The following CCDC6 variants were observed in gnomAD, a reference collection of about 807,000 sequenced individuals.
CCDC6 encodes the protein coiled-coil domain-containing protein 6.
Under a neutral mutation model 56.6 loss-of-function variants are expected in CCDC6, and 20 were observed. That is an observed-to-expected ratio of 0.35 (90% CI 0.25 to 0.51). The LOEUF is 0.51. Among genes scored for constraint, CCDC6 ranks in the 20% least tolerant of loss-of-function variants. The pLI, the probability that CCDC6 is intolerant of heterozygous loss-of-function variation, is 0.95. For missense variants in CCDC6, 367 were observed against 601.1 expected (o/e 0.61, Z 4.07); for synonymous variants, 241 against 234.4 (o/e 1.03, Z -0.26).
intron 5 of CCDC6, among the ~76,000 whole-genome samples, chr10:59,808,671 C>A (rs2070647095): frequency 6.6e-6 from 1 of 152,154 alleles, no homozygotes; most frequent in Admixed American, 6.5e-5. Context: ...TCAGTTCGGT[C>A]CAAATTTAGG....
intron 1 of CCDC6, among the ~76,000 whole-genome samples, chr10:59,877,715 T>G (rs182432381): frequency 4.6e-5 from 7 of 152,320 alleles, no homozygotes; most frequent in Admixed American, 1.3e-4. Context: ...GACCCCATTC[T>G]GTGGTAAGAG....
At chr10:59,860,275 G>A (rs1837113057) in intron 1 of CCDC6, among the ~76,000 whole-genome samples, 1 of 152,068 alleles carries the variant, frequency 6.6e-6, no homozygotes, top group African/African-American at 2.4e-5. Flanking sequence ...AGGAAAGGCT[G>A]GAAACTCTTC....
chr10:59,859,199 CGTGTGTGT>C (rs66648240), intron 1 of CCDC6, among the ~76,000 whole-genome samples: 3,066 of 137,246 alleles, frequency 0.022, 77 homozygotes, highest in African/African-American at 0.056. Context: ...CATGTGTGTG[CGTGTGTGT>C]GTGTGTGTGT....
intron 1 of CCDC6, among the ~76,000 whole-genome samples, chr10:59,868,159 C>T (rs1157858308): frequency 1.3e-5 from 2 of 152,146 alleles, no homozygotes; most frequent in East Asian, 3.9e-4. Context: ...TGATTGAGAC[C>T]TGCTTCAGAT....
chr10:59,821,270 G>A (rs756857218), intron 3 of CCDC6, among the ~76,000 whole-genome samples: 15 of 152,090 alleles, frequency 9.9e-5, no homozygotes, highest in East Asian at 1.9e-4. Flanking sequence ...AATACATCAC[G>A]TGCATCTGAC....
chr10:59,846,389 C>T (rs182995517), intron 2 of CCDC6, among the ~76,000 whole-genome samples: 1 of 152,300 alleles, frequency 6.6e-6, no homozygotes, highest in Admixed American at 6.5e-5. Flanking sequence ...AGCTATAAAT[C>T]ATTTGGCAGA....
At chr10:59,902,484 C>T (rs2071511242) in intron 1 of CCDC6, among the ~76,000 whole-genome samples, 1 of 149,716 alleles carries the variant, frequency 6.7e-6, no homozygotes, top group Non-Finnish European at 1.5e-5. Flanking sequence ...ACCTCCACCT[C>T]CTGGGTTCAC....
Position 59,814,632 on chromosome 10 carries a change from A to ACACACAC in CCDC6, c.686+19_686+20insGTGTGTG. The ACACACAC allele has an allele frequency of 6.7e-7, 1 of 1,501,486 alleles. No homozygotes were observed. The highest frequency in any genetic ancestry group is 2.3e-5 in the East Asian group (1 of 44,352). The allele number at this position is 1,501,486 out of a possible 1,614,324, so 93.0% of individuals were successfully genotyped here. A position where few individuals can be genotyped will look rare whatever the true frequency, so the allele number is the denominator to read the frequency against. On this transcript the variant is annotated intron_variant, in intron 4 of 8. Transcript: ENST00000263102. The stretch of plus-strand genomic sequence containing the variant: ...CACACACACACACACACCCATACTG[A>ACACACAC]ACAGCAAGACTAAACAAACCGCTTT...
chr10:59,819,012 C>T (rs1193294069), intron 3 of CCDC6, among the ~76,000 whole-genome samples: 1 of 152,050 alleles, frequency 6.6e-6, no homozygotes, highest in Non-Finnish European at 1.5e-5. Context: ...CACTGATTCA[C>T]TAAAAATGGG....
intron 1 of CCDC6, among the ~76,000 whole-genome samples, chr10:59,885,601 C>G (rs1367911975): frequency 6.6e-6 from 1 of 152,146 alleles, no homozygotes; most frequent in Non-Finnish European, 1.5e-5. Flanking sequence ...GGCCACATCC[C>G]GATCTCACTC....
intron 3 of CCDC6, among the ~76,000 whole-genome samples, chr10:59,827,964 C>T (rs558037173): frequency 6.6e-6 from 1 of 152,294 alleles, no homozygotes; most frequent in Admixed American, 6.5e-5. Flanking sequence ...CTGTTGTCTT[C>T]TTCCCCATCA....
At chr10:59,840,562 A>C (rs1321485711) in intron 2 of CCDC6, among the ~76,000 whole-genome samples, 1 of 152,180 alleles carries the variant, frequency 6.6e-6, no homozygotes, top group Non-Finnish European at 1.5e-5. Context: ...CCAAATTTAT[A>C]TCTCTAGCCC....
At chr10:59,894,656 A>T (rs2132684729) in intron 1 of CCDC6, among the ~76,000 whole-genome samples, 1 of 147,116 alleles carries the variant, frequency 6.8e-6, no homozygotes, top group South Asian at 2.3e-4. Context: ...AAAGGAAGAA[A>T]CTGATTCCAG....
At position 59,887,114 on chromosome 10, in the gene CCDC6, G is replaced by A. The variant is rs2071388357; in HGVS notation, c.303+19008C>T. Among the ~76,000 whole-genome samples the A allele has an allele frequency of 2.0e-5, 3 of 152,168 alleles. 1 individual carries two copies. The highest frequency in any genetic ancestry group is 1.3e-4 in the Admixed American group (2 of 15,290). On this transcript the variant is annotated intron_variant, in intron 1 of 8. Coordinates refer to ENST00000263102, the MANE Select transcript of CCDC6 (RefSeq NM_005436.5). ...AATGTCACTTCTGTGAATTTACCAA[G>A]AAAGGCAGCATCAAAAAGTGAGGGA... is the stretch of plus-strand genomic sequence containing the variant.
rs1589060865 is a variant in CCDC6 at position 59,882,916 on chromosome 10, C to T, written c.303+23206G>A. On this transcript the variant is annotated intron_variant, in intron 1 of 8. Transcript: ENST00000263102. ...CGGAGGTTGCAGTGAGCAGAGATCG[C>T]GCCACTGCACTCCAGCCTGGGCGAC... 4.6e-5 allele frequency among the ~76,000 whole-genome samples: 7 copies of T among 151,700 alleles called. No homozygotes were observed. In the South Asian group the frequency reaches 1.3e-3, roughly 27 times the overall value.
intron 2 of CCDC6, among the ~76,000 whole-genome samples, chr10:59,843,087 C>T (rs377383449): frequency 3.9e-5 from 6 of 152,142 alleles, no homozygotes; most frequent in Middle Eastern, 3.4e-3. Context: ...GGGGTTTCAC[C>T]GTGTTAGCCA....
intron 2 of CCDC6, among the ~76,000 whole-genome samples, chr10:59,839,741 G>A (rs2070919650): frequency 6.6e-6 from 1 of 152,102 alleles, no homozygotes; most frequent in African/African-American, 2.4e-5. Context: ...TACTCATTGT[G>A]GTTTGTATTT....
chr10:59,818,495 C>CGG (rs10605676), intron 3 of CCDC6, among the ~76,000 whole-genome samples: 962 of 82,996 alleles, frequency 0.012, 39 homozygotes, highest in African/African-American at 0.038. Context: ...ATAATGTTGA[C>CGG]GGGGGGGGGG....
chr10:59,819,281 C>T (rs2070733337), intron 3 of CCDC6, among the ~76,000 whole-genome samples: 1 of 152,208 alleles, frequency 6.6e-6, no homozygotes, highest in African/African-American at 2.4e-5. Context: ...TATTTCATTA[C>T]ATAGGCTGGC....
Sources: gnomAD v4.1 joint callset for allele counts (sites outside exome capture counted in the v4.1 genomes callset) on GRCh38, gnomAD v4.1.1 for gene constraint, MANE v1.5 for transcripts, NCBI Gene and HGNC (gene_info 2026-07-23, HGNC 2026-07-21) for gene names.